The following CEP135 variants were observed in gnomAD, a reference collection of about 807,000 sequenced individuals.
CEP135 encodes centrosomal protein 135, also known as centrosomal protein of 135 kDa.
In CEP135, 142 loss-of-function variants were observed where a neutral mutation model predicts 157.3. The observed-to-expected ratio is 0.90, with a 90% CI of 0.79 to 1.04. CEP135 has a LOEUF of 1.04. Ranked by LOEUF, CEP135 falls within the 50% of genes least tolerant of loss-of-function variation. The probability of loss-of-function intolerance (pLI) is 0.00; values close to 1 mark genes in which losing one functional copy is unlikely to be tolerated. For missense variants in CEP135, 1,317 were observed against 1,309.2 expected (o/e 1.01, Z -0.09); for synonymous variants, 396 against 439.8 (o/e 0.90, Z 1.25).
At chr4:55,959,645 C>T in intron 5 of CEP135, 37 bp from the exon 6 acceptor site, 1 of 1,523,722 alleles carries the variant, frequency 6.6e-7, no homozygotes, top group Non-Finnish European at 9.1e-7. Context: ...TATTTCTTAA[C>T]AAAAGTGTAT....
intron 8 of CEP135, among the ~76,000 whole-genome samples, chr4:55,968,524 C>T (rs1028677825): frequency 6.6e-6 from 1 of 152,170 alleles, no homozygotes; most frequent in Non-Finnish European, 1.5e-5. Context: ...TTACAACACT[C>T]CTATATCTCA....
At chr4:55,991,308 C>T (rs1577891316) in intron 14 of CEP135, among the ~76,000 whole-genome samples, 1 of 148,838 alleles carries the variant, frequency 6.7e-6, no homozygotes, top group Non-Finnish European at 1.5e-5. Context: ...AAAATTTTTC[C>T]TGTTTTTTTC....
rs948188480 is a variant in CEP135 at position 56,019,635 on chromosome 4, G to T, written c.3215+80G>T. The stretch of plus-strand genomic sequence containing the variant: ...TTAATTTTTTTGAAGTGGAGGAAAG[G>T]TTAAGAGTATGAAAGATAGGCCAGG... On this transcript the variant is annotated intron_variant, in intron 23 of 25. Transcript: ENST00000257287. 4 of 1,206,330 alleles carry T rather than the reference G, an allele frequency of 3.3e-6. No homozygotes were observed. In the African/African-American group the frequency reaches 6.1e-5, roughly 19 times the overall value. 74.7% of individuals were successfully genotyped at this position (1,206,330 alleles called of 1,614,324 possible).
At chr4:55,981,979 C>A (rs1249868602) in intron 13 of CEP135, among the ~76,000 whole-genome samples, 1 of 152,116 alleles carries the variant, frequency 6.6e-6, no homozygotes, top group Non-Finnish European at 1.5e-5. Flanking sequence ...TCCTGATAAA[C>A]CCATAACAAA....
Position 56,011,542 on chromosome 4 carries a change from T to C in CEP135, c.2616+20T>C. ...GCCAAGGTGAAAAATATTATTTAGG[T>C]TGGATTTAAGACTGAGGTTTTTTTT... On this transcript the variant is annotated intron_variant, in intron 20 of 25. Transcript: ENST00000257287. The C allele has an allele frequency of 6.5e-7, 1 of 1,545,814 alleles. No homozygotes were observed. Among genetic ancestry groups the C allele is most frequent in the South Asian group, 1.2e-5 (1 of 83,880 alleles).
chr4:55,952,369 T>C (rs971307374), intron 2 of CEP135, 126 bp downstream of exon 2: 1 of 627,552 alleles, frequency 1.6e-6, no homozygotes, highest in South Asian at 2.0e-5. Flanking sequence ...ATGAAGCTTA[T>C]CTGTTTTTTC....
chr4:55,953,050 A>G lies in CEP135; in HGVS notation c.114-35A>G, dbSNP rs747532966. On this transcript the variant is annotated intron_variant, in intron 2 of 25. Transcript: ENST00000257287. ...TTTTAGTTATTAGAAAGTTAATGAA[A>G]TATTTCCTGGTATTTAAATTTTCTG... is the stretch of plus-strand genomic sequence containing the variant. 4 of 1,470,984 alleles carry G rather than the reference A, an allele frequency of 2.7e-6. No individual in the cohort carries two copies. In the Admixed American group the frequency reaches 1.0e-4, roughly 38 times the overall value. 91.1% of individuals were successfully genotyped at this position (1,470,984 alleles called of 1,614,324 possible).
At chr4:55,987,493 T>C (rs1340520620) in intron 14 of CEP135, among the ~76,000 whole-genome samples, 2 of 152,130 alleles carry the variant, frequency 1.3e-5, no homozygotes, top group African/African-American at 2.4e-5. Flanking sequence ...TTTCCCTGTG[T>C]CACAGTTTGG....
intron 25 of CEP135, among the ~76,000 whole-genome samples, chr4:56,029,662 G>T (rs1459954865): frequency 2.6e-5 from 4 of 152,182 alleles, no homozygotes; most frequent in African/African-American, 9.7e-5. Flanking sequence ...AGGCTATATG[G>T]TATAGCCTCT....
At chr4:55,957,410 A>G (rs771368790) in intron 5 of CEP135, 46 bp downstream of exon 5, 6 of 1,578,454 alleles carry the variant, frequency 3.8e-6, no homozygotes, top group Admixed American at 1.8e-5. Flanking sequence ...TGAGCACTCA[A>G]TTAGCTGTAA....
chr4:55,998,594 GT>G (rs1730056460), intron 15 of CEP135, among the ~76,000 whole-genome samples: 1 of 152,184 alleles, frequency 6.6e-6, no homozygotes, highest in Non-Finnish European at 1.5e-5. Flanking sequence ...GCTGGGAATG[GT>G]GGCTCACACC....
intron 4 of CEP135, among the ~76,000 whole-genome samples, chr4:55,955,012 C>T (rs1270611825): frequency 2.0e-5 from 3 of 151,198 alleles, no homozygotes; most frequent in African/African-American, 4.9e-5. Flanking sequence ...GCCTGGGAGG[C>T]GGAGGTTGCA....
At chr4:55,975,448 A>G (rs571087495) in intron 11 of CEP135, among the ~76,000 whole-genome samples, 1 of 152,212 alleles carries the variant, frequency 6.6e-6, no homozygotes, top group Non-Finnish European at 1.5e-5. Context: ...AGAAATGGCA[A>G]GTGAGTGCTG....
In CEP135 at chr4:55,971,304, T is replaced by C. The variant is rs1352922341; in HGVS notation, c.1145T>C (p.Leu382Pro). 6.2e-7 allele frequency: 1 copy of C among 1,601,964 alleles called. No individual in the cohort carries two copies. Among genetic ancestry groups the C allele is most frequent in the Non-Finnish European group, 8.5e-7 (1 of 1,175,292 alleles). Residue 382 changes from leucine (L) to proline (P), a missense_variant, in exon 10 of 26, where the codon CTG (leucine) becomes CCG (proline). Physicochemically the swap from Leu to Pro is moderately conservative, Grantham distance 98. Coordinates refer to ENST00000257287, the MANE Select transcript of CEP135 (RefSeq NM_025009.5). Reference protein sequence around the residue: ...LNLCQKEKERLSDELLVKSDL... With the variant: ...LNLCQKEKERPSDELLVKSDL... ...TTATGCCAGAAAGAAAAGGAGAGAC[T>C]GAGTGATGAACTCCTTGTAAAATCA...
chr4:55,949,723 C>T (rs1213323839), intron 1 of CEP135, among the ~76,000 whole-genome samples: 1 of 152,182 alleles, frequency 6.6e-6, no homozygotes, highest in Non-Finnish European at 1.5e-5. Context: ...CCAAACCTAA[C>T]CTTTTATGTT....
intron 14 of CEP135, among the ~76,000 whole-genome samples, chr4:55,989,795 A>G (rs1037900949): frequency 2.6e-5 from 4 of 152,244 alleles, no homozygotes; most frequent in Admixed American, 6.5e-5. Context: ...ATCAAGTTGT[A>G]ACATATATTA....
intron 18 of CEP135, among the ~76,000 whole-genome samples, chr4:56,008,791 GAAAA>G (rs1293155886): frequency 6.6e-6 from 1 of 152,072 alleles, no homozygotes; most frequent in Non-Finnish European, 1.5e-5. Flanking sequence ...GCCACTTCAA[GAAAA>G]AAGTCACTTA....
intron 6 of CEP135, among the ~76,000 whole-genome samples, chr4:55,964,001 A>G (rs956122295): frequency 1.3e-5 from 2 of 152,208 alleles, no homozygotes; most frequent in African/African-American, 2.4e-5. Context: ...GTTAAATCTT[A>G]AAGGAGGGAA....
chr4:56,017,693 G>T lies in CEP135; in HGVS notation c.2848G>T (p.Ala950Ser). Residue 950 changes from alanine to serine, a missense_variant, in exon 22 of 26, where the codon GCA (alanine) becomes TCA (serine). By Grantham distance (99) the Ala-to-Ser change is moderately conservative (BLOSUM62 1). Transcript: ENST00000257287. The part of the protein sequence containing the change: ...HAYESQISSM[A>S]KAMSRLEEEL... ...TTATGAATCTCAGATCTCATCAATGGCAAAAGCCATGTCTCGATTAGAAGA... is the reference window on the plus strand; with the variant it reads ...TTATGAATCTCAGATCTCATCAATGTCAAAAGCCATGTCTCGATTAGAAGA... The T allele has an allele frequency of 3.1e-6, 5 of 1,613,436 alleles. No homozygotes were observed. In the South Asian group the frequency reaches 4.4e-5, roughly 14 times the overall value.
Sources: gnomAD v4.1 joint callset for allele counts (sites outside exome capture counted in the v4.1 genomes callset) on GRCh38, gnomAD v4.1.1 for gene constraint, MANE v1.5 for transcripts, NCBI Gene and HGNC (gene_info 2026-07-23, HGNC 2026-07-21) for gene names.